SPINK5: variants seen among roughly 807,000 people sequenced by gnomAD.
The protein encoded by SPINK5 is serine protease inhibitor Kazal-type 5.
In SPINK5, 125 loss-of-function variants were observed where a neutral mutation model predicts 151.8. That is an observed-to-expected ratio of 0.82 (90% CI 0.71 to 0.96). The LOEUF (loss-of-function observed/expected upper bound fraction) is 0.96, where lower values mean the gene tolerates loss of function less well. SPINK5 is among the 40% of genes least tolerant of loss of function. The pLI is 0.00. For synonymous variants in SPINK5, 374 were observed against 395.3 expected (o/e 0.95, Z 0.64); for missense variants, 1,194 against 1,291.9 (o/e 0.92, Z 1.16).
At chr5:148,128,574 G>GC (rs1466348253) in intron 30 of SPINK5, among the ~76,000 whole-genome samples, 1 of 151,934 alleles carries the variant, frequency 6.6e-6, no homozygotes, top group African/African-American at 2.4e-5. Flanking sequence ...TTTCGCCCAG[G>GC]CCGGAGTGCA....
At chr5:148,129,235 T>G (rs1397837591) in intron 30 of SPINK5, among the ~76,000 whole-genome samples, 2 of 152,210 alleles carry the variant, frequency 1.3e-5, no homozygotes, top group Admixed American at 6.5e-5. Context: ...GTAGACAATT[T>G]TAAAGACTTT....
At position 148,123,973 on chromosome 5, in the gene SPINK5, G is replaced by A; in HGVS notation, c.2666+13G>A. The A allele has an allele frequency of 6.2e-7, 1 of 1,613,526 alleles. No homozygotes were observed. The highest frequency in any genetic ancestry group is 8.5e-7 in the Non-Finnish European group (1 of 1,179,764). On this transcript the variant is annotated intron_variant, in intron 27 of 32. Coordinates refer to ENST00000256084, the MANE Select transcript of SPINK5 (RefSeq NM_006846.4). ...GTCAGAGCATCTTGTACGTAAAAAG[G>A]TTTATCAATAAATTTGATAGTTGTG...
At chr5:148,129,688 T>C (rs1754526747) in intron 30 of SPINK5, among the ~76,000 whole-genome samples, 1 of 152,180 alleles carries the variant, frequency 6.6e-6, no homozygotes, top group Non-Finnish European at 1.5e-5. Context: ...CTCACCACAA[T>C]CTAAAGCAAT....
At position 148,069,056 on chromosome 5, in the gene SPINK5, A is replaced by C. The variant is rs9325067; in HGVS notation, c.82-1267A>C. ...GTAGAGGTTGCAGTGAGCCAAGATC[A>C]TGCCACTGCACTCCAGCCTGGGCGA... On this transcript the variant is annotated intron_variant, in intron 2 of 32. Coordinates refer to ENST00000256084, the MANE Select transcript of SPINK5 (RefSeq NM_006846.4). Among the ~76,000 whole-genome samples, 1,312 of 151,886 alleles carry C rather than the reference A, an allele frequency of 8.6e-3. 21 individuals are homozygous for C. Among genetic ancestry groups the C allele is most frequent in the African/African-American group, 0.03 (1,238 of 41,432 alleles).
chr5:148,119,766 A>C (rs1053174066), intron 24 of SPINK5, among the ~76,000 whole-genome samples: 8 of 152,214 alleles, frequency 5.3e-5, no homozygotes, highest in Non-Finnish European at 1.2e-4. Flanking sequence ...CCCCATTTTA[A>C]ATTCAACTGA....
Position 148,116,307 on chromosome 5 carries a change from C to CA in SPINK5, c.2016-60dup, listed in dbSNP as rs2113177070. ...TGATTTGTTCATATAATGAGAAACTCAAAGAAATGCACACCACTCTCTGTA... is the reference window on the plus strand; with the variant it reads ...TGATTTGTTCATATAATGAGAAACTCAAAAGAAATGCACACCACTCTCTGTA... On this transcript the variant is annotated intron_variant, in intron 21 of 32. Transcript: ENST00000256084. 8.4e-6 allele frequency: 13 copies of CA among 1,550,856 alleles called. No homozygotes were observed. The South Asian group carries it at 1.1e-4, about 13-fold the overall frequency.
chr5:148,123,738 CTG>C, intron 26 of SPINK5, 93 bp from the exon 27 acceptor site: 1 of 1,545,134 alleles, frequency 6.5e-7, no homozygotes, highest in Non-Finnish European at 8.9e-7. Context: ...TGTTTTTTTC[CTG>C]TGTTATGAGT....
At chr5:148,069,269 A>C (rs1239635868) in intron 2 of SPINK5, among the ~76,000 whole-genome samples, 1 of 151,726 alleles carries the variant, frequency 6.6e-6, no homozygotes, top group Non-Finnish European at 1.5e-5. Flanking sequence ...ATTAATATTT[A>C]ATATTGAATG....
At chr5:148,065,605 A>C in intron 2 of SPINK5, 1 of 515,172 alleles carries the variant, frequency 1.9e-6, no homozygotes, top group Non-Finnish European at 3.4e-6. Context: ...TGTCTGCAAG[A>C]GGCAATTTAT....
At chr5:148,090,457 C>T (rs1181404610) in intron 7 of SPINK5, among the ~76,000 whole-genome samples, 4 of 151,572 alleles carry the variant, frequency 2.6e-5, no homozygotes, top group Non-Finnish European at 4.4e-5. Context: ...GACATGTTCT[C>T]TCAATGTTCA....
Position 148,101,844 on chromosome 5 carries a change from G to T in SPINK5, c.1366G>T (p.Asp456Tyr), listed in dbSNP as rs757370601. Residue 456 changes from aspartate to tyrosine, a missense_variant, in exon 15 of 33, where the codon GAC becomes TAC. Transcript: ENST00000256084. ...NGRLFCTREN[D>Y]PIQGPDGKMH... ...ACGGCTTTTTTGCACCAGAGAGAAT[G>T]ACCCCATCCAGGGCCCAGATGGAAA... The T allele has an allele frequency of 2.9e-5, 46 of 1,613,828 alleles. No homozygotes were observed. The South Asian group carries it at 4.9e-4, about 17-fold the overall frequency.
chr5:148,103,623 T>C (rs1054326451), intron 15 of SPINK5, among the ~76,000 whole-genome samples: 1 of 152,134 alleles, frequency 6.6e-6, no homozygotes, highest in Non-Finnish European at 1.5e-5. Flanking sequence ...TAATTTTAGA[T>C]CTATTTTAGT....
chr5:148,107,800 GACT>G (rs1183927278), intron 17 of SPINK5, among the ~76,000 whole-genome samples: 1 of 152,096 alleles, frequency 6.6e-6, no homozygotes, highest in Non-Finnish European at 1.5e-5. Context: ...GTAAGCCTGT[GACT>G]ACAGCTCCAT....
intron 20 of SPINK5, among the ~76,000 whole-genome samples, chr5:148,114,027 A>G (rs1754015343): frequency 6.6e-6 from 1 of 152,226 alleles, no homozygotes; most frequent in Non-Finnish European, 1.5e-5. Context: ...ATTTGTAATT[A>G]ACTCTTTGAA....
chr5:148,106,957 C>A (rs781064630), intron 16 of SPINK5, 80 bp from the exon 17 acceptor site: 191 of 1,576,326 alleles, frequency 1.2e-4, no homozygotes, highest in Non-Finnish European at 1.6e-4. Context: ...TTTTACTCTA[C>A]GTTACATATT....
intron 30 of SPINK5, among the ~76,000 whole-genome samples, chr5:148,129,928 C>T (rs1754531310): frequency 6.6e-6 from 1 of 152,062 alleles, no homozygotes; most frequent in African/African-American, 2.4e-5. Context: ...TTAGTATCTA[C>T]AGCTCATATA....
At chr5:148,080,747 A>G (rs1752998089) in intron 4 of SPINK5, among the ~76,000 whole-genome samples, 2 of 151,540 alleles carry the variant, frequency 1.3e-5, no homozygotes, top group Non-Finnish European at 3.0e-5. Context: ...GAGTGACTTT[A>G]GACATAAAAC....
intron 4 of SPINK5, among the ~76,000 whole-genome samples, chr5:148,080,756 A>C (rs2113025275): frequency 6.6e-6 from 1 of 151,636 alleles, no homozygotes; most frequent in South Asian, 2.1e-4. Context: ...TAGACATAAA[A>C]CTAAAAGCGT....
intron 22 of SPINK5, among the ~76,000 whole-genome samples, chr5:148,117,234 T>C (rs536766673): frequency 1.3e-5 from 2 of 152,370 alleles, no homozygotes; most frequent in South Asian, 4.1e-4. Context: ...CCATCTTTTT[T>C]GCTTTAGGAG....
Sources: allele counts gnomAD v4.1 joint callset (sites outside exome capture counted in the v4.1 genomes callset), GRCh38; gene constraint gnomAD v4.1.1; transcripts MANE v1.5; gene names NCBI Gene and HGNC (gene_info 2026-07-23, HGNC 2026-07-21).